The following DTWD2 variants were observed in gnomAD, a reference collection of about 807,000 sequenced individuals.
DTWD2 encodes the protein tRNA-uridine aminocarboxypropyltransferase 2.
DTWD2 carries 39 observed loss-of-function variants against 31.8 expected under a neutral mutation model. The observed-to-expected ratio is 1.22, with a 90% CI of 0.95 to 1.60. The LOEUF is 1.60. Ranked by LOEUF, DTWD2 falls within the 40% of genes most tolerant of loss-of-function variation. The probability of loss-of-function intolerance (pLI) is 0.00; values close to 1 mark genes in which losing one functional copy is unlikely to be tolerated. For missense variants in DTWD2, 515 were observed against 381.5 expected, an observed-to-expected ratio of 1.35 and a Z score of -2.92; for synonymous variants, 180 against 142.8, an observed-to-expected ratio of 1.26 and a Z score of -1.86.
At chr5:118,964,590 C>A (rs1418738521) in intron 1 of DTWD2, among the ~76,000 whole-genome samples, 1 of 152,226 alleles carries the variant, frequency 6.6e-6, no homozygotes, top group East Asian at 1.9e-4. Flanking sequence ...CAGGCGCGTG[C>A]CGCCACGCCT....
chr5:118,940,561 A>G (rs1485573940), intron 2 of DTWD2, among the ~76,000 whole-genome samples: 2 of 152,192 alleles, frequency 1.3e-5, no homozygotes, highest in Non-Finnish European at 2.9e-5. Flanking sequence ...TTCTTGATTT[A>G]TCGATTTTAG....
chr5:118,900,652 C>T (rs984642155), intron 4 of DTWD2, among the ~76,000 whole-genome samples: 5 of 152,040 alleles, frequency 3.3e-5, no homozygotes, highest in Admixed American at 6.5e-5. Flanking sequence ...AAGGGCCAGG[C>T]GGGGTGGCTC....
chr5:118,985,665 G>A (rs950881406), intron 1 of DTWD2, among the ~76,000 whole-genome samples: 2 of 151,464 alleles, frequency 1.3e-5, no homozygotes, highest in South Asian at 2.1e-4. Context: ...GCCTAATTTC[G>A]AAGACTGCCA....
At chr5:118,957,332 C>G (rs562524227) in intron 1 of DTWD2, among the ~76,000 whole-genome samples, 1 of 152,178 alleles carries the variant, frequency 6.6e-6, no homozygotes, top group Non-Finnish European at 1.5e-5. Context: ...AGCAATTCTC[C>G]TGCCTCAGCC....
At chr5:118,919,141 C>T (rs1753645708) in intron 4 of DTWD2, among the ~76,000 whole-genome samples, 1 of 152,186 alleles carries the variant, frequency 6.6e-6, no homozygotes, top group African/African-American at 2.4e-5. Context: ...TAATTGCTCA[C>T]AGAGCATCTT....
intron 4 of DTWD2, among the ~76,000 whole-genome samples, chr5:118,851,118 A>C (rs1485970228): frequency 6.6e-6 from 1 of 151,316 alleles, no homozygotes; most frequent in South Asian, 2.1e-4. Flanking sequence ...ATGGTGGTAC[A>C]CATCTGTGGA....
intron 4 of DTWD2, among the ~76,000 whole-genome samples, chr5:118,900,761 TA>T (rs1472614105): frequency 7.2e-5 from 11 of 151,820 alleles, no homozygotes; most frequent in African/African-American, 2.4e-4. Flanking sequence ...CCCGTCCTAC[TA>T]AAAACACAAA....
chr5:118,909,147 A>C (rs374050596), intron 4 of DTWD2, among the ~76,000 whole-genome samples: 1 of 152,272 alleles, frequency 6.6e-6, no homozygotes. Flanking sequence ...CAATGGGGAG[A>C]CCCGCATAGC....
chr5:118,987,417 C>A (rs1755452556), intron 1 of DTWD2, among the ~76,000 whole-genome samples: 1 of 152,186 alleles, frequency 6.6e-6, no homozygotes, highest in Admixed American at 6.5e-5. Context: ...AGTATTCAAG[C>A]AGTAAAGATC....
intron 1 of DTWD2, among the ~76,000 whole-genome samples, chr5:118,977,190 A>C (rs1346413190): frequency 6.6e-6 from 1 of 152,226 alleles, no homozygotes; most frequent in African/African-American, 2.4e-5. Flanking sequence ...CATATCTCAA[A>C]ATAATAAGAG....
chr5:118,980,229 A>G (rs1026268849), intron 1 of DTWD2, among the ~76,000 whole-genome samples: 2 of 152,198 alleles, frequency 1.3e-5, no homozygotes, highest in Non-Finnish European at 2.9e-5. Flanking sequence ...AACCCATTGT[A>G]AAAAATTCAG....
rs1300293127 is a variant in DTWD2 at position 118,842,950 on chromosome 5, CCTCT to C, written c.727-1867_727-1864del. On this transcript the variant is annotated intron_variant, in intron 5 of 5. Coordinates refer to ENST00000510708, the MANE Select transcript of DTWD2 (RefSeq NM_173666.4). The stretch of plus-strand genomic sequence containing the variant: ...TGACAGAATGAGAAACTTTCTTCTT[CCTCT>C]TTTTTTTTTTTTTTTTTTTTGAGAT... 5.0e-5 allele frequency among the ~76,000 whole-genome samples: 7 copies of C among 140,218 alleles called. No homozygotes were observed. The Admixed American group carries it at 5.1e-4, about 10-fold the overall frequency. 92.0% of individuals were successfully genotyped at this position (140,218 alleles called of 152,430 possible).
At chr5:118,881,546 T>C (rs185328770) in intron 4 of DTWD2, among the ~76,000 whole-genome samples, 1 of 152,276 alleles carries the variant, frequency 6.6e-6, no homozygotes, top group East Asian at 1.9e-4. Flanking sequence ...AGAGGATGTA[T>C]TAGTCTGTTT....
intron 4 of DTWD2, among the ~76,000 whole-genome samples, chr5:118,852,250 T>A (rs905458232): frequency 6.6e-6 from 1 of 152,108 alleles, no homozygotes; most frequent in African/African-American, 2.4e-5. Context: ...GGTGCACTGG[T>A]TTCATATCAT....
intron 4 of DTWD2, among the ~76,000 whole-genome samples, chr5:118,894,872 G>A (rs1753048163): frequency 6.6e-6 from 1 of 151,938 alleles, no homozygotes; most frequent in Admixed American, 6.6e-5. Context: ...ACATCATAAG[G>A]GCCATATATC....
Position 118,988,534 on chromosome 5 carries a change from T to G in DTWD2, c.-23A>C, listed in dbSNP as rs747494427. 51 of 1,501,300 alleles carry G rather than the reference T, an allele frequency of 3.4e-5. No individual in the cohort carries two copies. The East Asian group carries it at 1.3e-3, about 39-fold the overall frequency. 93.0% of individuals were successfully genotyped at this position (1,501,300 alleles called of 1,614,324 possible). On this transcript the variant is annotated 5_prime_UTR_variant, in exon 1 of 6. Transcript: ENST00000510708. ...CATGGCGGACACTCCGGTCAGGCCG[T>G]GGCATTGAAGCCCGGCTGCCGCCGG...
At chr5:118,842,693 G>A (rs1327488215) in intron 5 of DTWD2, among the ~76,000 whole-genome samples, 1 of 151,998 alleles carries the variant, frequency 6.6e-6, no homozygotes, top group Non-Finnish European at 1.5e-5. Flanking sequence ...AGCATTTTGG[G>A]AGGCTGATGC....
At chr5:118,876,487 T>C (rs1488168120) in intron 4 of DTWD2, among the ~76,000 whole-genome samples, 1 of 151,970 alleles carries the variant, frequency 6.6e-6, no homozygotes, top group Admixed American at 6.6e-5. Flanking sequence ...GACCACTAGC[T>C]AGACTTATAA....
intron 1 of DTWD2, among the ~76,000 whole-genome samples, chr5:118,947,394 G>A (rs1182703060): frequency 6.6e-6 from 1 of 152,178 alleles, no homozygotes; most frequent in Admixed American, 6.5e-5. Flanking sequence ...AAGGAGAGCT[G>A]GAAGAGGGAT....
Sources: gnomAD v4.1 joint callset for allele counts (sites outside exome capture counted in the v4.1 genomes callset) on GRCh38, gnomAD v4.1.1 for gene constraint, MANE v1.5 for transcripts, NCBI Gene and HGNC (gene_info 2026-07-23, HGNC 2026-07-21) for gene names.